HPCAL1: variants seen among roughly 807,000 people sequenced by gnomAD.
The protein encoded by HPCAL1 is hippocalcin like 1.
Under a neutral mutation model 17.1 loss-of-function variants are expected in HPCAL1, and 8 were observed. The observed-to-expected ratio is 0.47, with a 90% confidence interval of 0.27 to 0.84. The LOEUF (loss-of-function observed/expected upper bound fraction) is 0.84, where lower values mean the gene tolerates loss of function less well. HPCAL1 is among the 40% of genes least tolerant of loss of function. The pLI, the probability that HPCAL1 is intolerant of heterozygous loss-of-function variation, is 0.13. For synonymous variants in HPCAL1, 112 were observed against 111.4 expected (o/e 1.01, Z -0.03); for missense variants, 165 against 271.1 (o/e 0.61, Z 2.75).
At position 10,344,732 on chromosome 2, in the gene HPCAL1, T is replaced by C. The variant is rs1226930080; in HGVS notation, c.-111+41555T>C. Among the ~76,000 whole-genome samples the C allele has an allele frequency of 6.6e-6, 1 of 152,196 alleles. No individual in the cohort carries two copies. Among genetic ancestry groups the C allele is most frequent in the African/African-American group, 2.4e-5 (1 of 41,430 alleles). On this transcript the variant is annotated intron_variant, in intron 1 of 4. Coordinates refer to ENST00000307845, the MANE Select transcript of HPCAL1 (RefSeq NM_002149.4). This position sits in a 1 kb window ranked among gnomAD's most constrained non-coding sequence, Gnocchi z 4.9. ...CTTTCTCTGTGTCTGTCTGTCTGTC[T>C]CTATGTGTCTGTTTCTCTCTCCCTC...
chr2:10,347,337 T>C lies in HPCAL1; in HGVS notation c.-111+44160T>C, dbSNP rs554362025. ...CAGAGTCTCATGGGGAGCAGGGCCT[T>C]CAGGGAAGGCCCATGTGCTGGGACT... On this transcript the variant is annotated intron_variant, in intron 1 of 4. Coordinates refer to ENST00000307845, the MANE Select transcript of HPCAL1 (RefSeq NM_002149.4). Among the ~76,000 whole-genome samples, 6 of 152,248 alleles carry C rather than the reference T, an allele frequency of 3.9e-5. No individual in the cohort carries two copies. In the East Asian group the frequency reaches 1.2e-3, roughly 30 times the overall value.
In HPCAL1 at chr2:10,427,264, C is replaced by T. The variant is rs909880824; in HGVS notation, c.*443C>T. ...GCCCCTCCCGTGCATGGCTGCCCCC[C>T]CGTTCATTTTCTCCACCACAGCCGC... On this transcript the variant is annotated 3_prime_UTR_variant, in exon 5 of 5. Coordinates refer to ENST00000307845, the MANE Select transcript of HPCAL1 (RefSeq NM_002149.4). 1.1e-5 allele frequency: 2 copies of T among 173,974 alleles called. No individual in the cohort carries two copies. Among genetic ancestry groups the T allele is most frequent in the Non-Finnish European group, 2.5e-5 (2 of 81,334 alleles). The allele number at this position is 173,974 out of a possible 1,614,324, so 10.8% of individuals were successfully genotyped here. A position where few individuals can be genotyped will look rare whatever the true frequency, so the allele number is the denominator to read the frequency against.
chr2:10,404,376 C>T (rs3771139), intron 2 of HPCAL1, among the ~76,000 whole-genome samples: 70,950 of 152,000 alleles, frequency 0.47, 16,949 homozygotes, highest in South Asian at 0.62. Context: ...GTGAGTGTTT[C>T]CCCAGCCCCG....
intron 1 of HPCAL1, among the ~76,000 whole-genome samples, chr2:10,338,759 G>A (rs559563910): frequency 4.9e-4 from 75 of 152,312 alleles, no homozygotes; most frequent in African/African-American, 1.6e-3. Context: ...GCTTTGAGGC[G>A]TATCCACAAA....
At chr2:10,401,317 A>G (rs1177977415) in intron 2 of HPCAL1, among the ~76,000 whole-genome samples, 2 of 152,174 alleles carry the variant, frequency 1.3e-5, no homozygotes, top group East Asian at 3.9e-4. Context: ...ACCCCCTAGA[A>G]TATTCTTGGA....
intron 1 of HPCAL1, among the ~76,000 whole-genome samples, chr2:10,386,132 T>G (rs182460909): frequency 6.6e-6 from 1 of 152,306 alleles, no homozygotes; most frequent in Admixed American, 6.5e-5. Flanking sequence ...CAGCCTAGGT[T>G]GCTCCCTCAC....
intron 2 of HPCAL1, among the ~76,000 whole-genome samples, chr2:10,410,025 G>T (rs1344008310): frequency 6.9e-6 from 1 of 144,468 alleles, no homozygotes; most frequent in Non-Finnish European, 1.5e-5. Flanking sequence ...CCTGAGCTCA[G>T]ACAATCCACT....
chr2:10,426,693 G>A, intron 4 of HPCAL1, 31 bp from the exon 5 acceptor site: 3 of 1,558,970 alleles, frequency 1.9e-6, no homozygotes, highest in Non-Finnish European at 2.7e-6. Context: ...AGTGAGCACT[G>A]GCTAATCCCA....
chr2:10,379,897 T>C (rs13009040), intron 1 of HPCAL1, among the ~76,000 whole-genome samples: 46,220 of 152,094 alleles, frequency 0.3, 7,658 homozygotes, highest in Non-Finnish European at 0.37. Context: ...CTGTCCATGC[T>C]GGCTATACTG....
At chr2:10,413,200 G>C (rs1446531262) in intron 2 of HPCAL1, among the ~76,000 whole-genome samples, 1 of 152,148 alleles carries the variant, frequency 6.6e-6, no homozygotes. Flanking sequence ...CCATCCTGTG[G>C]ACCCCCAAAG....
chr2:10,404,507 A>T (rs1397152927), intron 2 of HPCAL1, among the ~76,000 whole-genome samples: 2 of 152,114 alleles, frequency 1.3e-5, no homozygotes, highest in Admixed American at 6.5e-5. Flanking sequence ...TTTCCTTTTA[A>T]ACAGACCCAA....
intron 1 of HPCAL1, among the ~76,000 whole-genome samples, chr2:10,379,386 T>TG (rs1368709470): frequency 6.6e-6 from 1 of 151,222 alleles, no homozygotes; most frequent in East Asian, 2.0e-4. Flanking sequence ...GTGTGGCCCA[T>TG]GGGGCTCCTG....
At chr2:10,322,867 GTCACGTTT>G (rs1305068896) in intron 1 of HPCAL1, among the ~76,000 whole-genome samples, 4 of 152,204 alleles carry the variant, frequency 2.6e-5, no homozygotes, top group African/African-American at 4.8e-5. Context: ...GCCACCGCTT[GTCACGTTT>G]TATGTTGTTT....
At chr2:10,368,486 T>G (rs1431685901) in intron 1 of HPCAL1, among the ~76,000 whole-genome samples, 1 of 152,214 alleles carries the variant, frequency 6.6e-6, no homozygotes, top group East Asian at 1.9e-4. Flanking sequence ...CCGGCCTGGC[T>G]TTTAATCACA....
At position 10,377,908 on chromosome 2, in the gene HPCAL1, A is replaced by T. The variant is rs1197252294; in HGVS notation, c.-110-18927A>T. Among the ~76,000 whole-genome samples the T allele has an allele frequency of 6.6e-6, 1 of 151,460 alleles. No homozygotes were observed. The highest frequency in any genetic ancestry group is 1.5e-5 in the Non-Finnish European group (1 of 67,702). On this transcript the variant is annotated intron_variant, in intron 1 of 4. Coordinates refer to ENST00000307845, the MANE Select transcript of HPCAL1 (RefSeq NM_002149.4). The surrounding 1 kb of genome is among the most constrained non-coding windows in gnomAD (Gnocchi z 5.9). ...GGGGCAGGCACAGGGAGGGCATTTC[A>T]GAGAGTGCAAGGAGGCGGCGAAGAT...
At chr2:10,380,960 G>A (rs1667903743) in intron 1 of HPCAL1, among the ~76,000 whole-genome samples, 1 of 152,232 alleles carries the variant, frequency 6.6e-6, no homozygotes, top group Admixed American at 6.5e-5. Flanking sequence ...GCCTAAATGA[G>A]ACTTCTATTC....
rs1664375817 is a variant in HPCAL1 at position 10,331,500 on chromosome 2, G to A, written c.-111+28323G>A. ...AGGAAACCTTGCTGGTGGAACGGAT[G>A]CAGCAGCGAGGTTTTCCGGGGCAGG... On this transcript the variant is annotated intron_variant, in intron 1 of 4. Transcript: ENST00000307845. This position sits in a 1 kb window ranked among gnomAD's most constrained non-coding sequence, Gnocchi z 5.0. Among the ~76,000 whole-genome samples, 1 of 152,216 alleles carries A rather than the reference G, an allele frequency of 6.6e-6. No homozygotes were observed. Among genetic ancestry groups the A allele is most frequent in the Non-Finnish European group, 1.5e-5 (1 of 68,030 alleles).
At chr2:10,340,224 A>G (rs1012857844) in intron 1 of HPCAL1, among the ~76,000 whole-genome samples, 4 of 152,180 alleles carry the variant, frequency 2.6e-5, no homozygotes, top group Non-Finnish European at 5.9e-5. Flanking sequence ...GCTTTGGAGA[A>G]GCGGCTTAAC....
chr2:10,399,529 C>CCA (rs1669425499), intron 2 of HPCAL1, among the ~76,000 whole-genome samples: 1 of 101,730 alleles, frequency 9.8e-6, no homozygotes, highest in Non-Finnish European at 2.0e-5. Context: ...ACCACCGCCA[C>CCA]TGCCACCGCC....
Sources: gnomAD v4.1 joint callset for allele counts (sites outside exome capture counted in the v4.1 genomes callset) on GRCh38, gnomAD v4.1.1 for gene constraint, Gnocchi (gnomAD v3.1) non-coding constraint, MANE v1.5 for transcripts, NCBI Gene and HGNC (gene_info 2026-07-23, HGNC 2026-07-21) for gene names.